VAPA: variants seen among roughly 807,000 people sequenced by gnomAD.
VAPA encodes the protein VAMP associated protein A.
Under a neutral mutation model 25.6 loss-of-function variants are expected in VAPA, and 6 were observed. The observed-to-expected ratio is 0.23, with a 90% CI of 0.13 to 0.46. The LOEUF is 0.46. Ranked by LOEUF, VAPA falls within the 20% of genes least tolerant of loss-of-function variation. The pLI is 0.99. For synonymous variants in VAPA, 112 were observed against 106.2 expected, an observed-to-expected ratio of 1.05 and a Z score of -0.34; for missense variants, 244 against 302.1, an observed-to-expected ratio of 0.81 and a Z score of 1.43.
chr18:9,938,301 A>G (rs768399077), intron 4 of VAPA, among the ~76,000 whole-genome samples: 2 of 152,242 alleles, frequency 1.3e-5, no homozygotes, highest in Non-Finnish European at 2.9e-5. Flanking sequence ...TGCTCTGGAT[A>G]GCACACACTT....
chr18:9,935,504 G>T (rs1198778800), intron 2 of VAPA, among the ~76,000 whole-genome samples: 1 of 152,224 alleles, frequency 6.6e-6, no homozygotes, highest in Non-Finnish European at 1.5e-5. Context: ...AGCCTAGGGA[G>T]GTTGAGGCTA....
rs561548334 is a variant in VAPA at position 9,956,169 on chromosome 18, G to A, written c.*1958G>A. On this transcript the variant is annotated 3_prime_UTR_variant, in exon 6 of 6. Transcript: ENST00000400000. ...ATGGTTGAGAAATCTGAGGCCTTAC[G>A]AAGGTTAAGAGAACTTTCCCCGTGT... 6.6e-5 allele frequency: 10 copies of A among 152,250 alleles called. No homozygotes were observed. Among genetic ancestry groups the A allele is most frequent in the African/African-American group, 2.2e-4 (9 of 41,542 alleles). The allele number at this position is 152,250 out of a possible 1,614,324, so 9.4% of individuals were successfully genotyped here.
intron 4 of VAPA, chr18:9,948,483 T>G (rs1201158231): frequency 2.0e-5 from 3 of 152,242 alleles, no homozygotes. Context: ...TAAAATTTTA[T>G]GCAATGTAAA....
intron 1 of VAPA, chr18:9,915,724 C>T (rs938178418): frequency 2.6e-5 from 4 of 152,204 alleles, no homozygotes; most frequent in Admixed American, 1.3e-4. Context: ...AAAATATATT[C>T]TGGAATTATG....
intron 2 of VAPA, among the ~76,000 whole-genome samples, chr18:9,935,510 G>A (rs976319451): frequency 1.3e-5 from 2 of 152,220 alleles, no homozygotes; most frequent in Non-Finnish European, 2.9e-5. Context: ...GGGAGGTTGA[G>A]GCTACAGTGA....
intron 4 of VAPA, among the ~76,000 whole-genome samples, chr18:9,946,856 T>G (rs886080364): frequency 6.6e-6 from 1 of 152,250 alleles, no homozygotes; most frequent in Non-Finnish European, 1.5e-5. Context: ...TTAAAATTTT[T>G]GACATAAAGC....
At chr18:9,919,680 C>T (rs1429680658) in intron 1 of VAPA, among the ~76,000 whole-genome samples, 2 of 152,082 alleles carry the variant, frequency 1.3e-5, no homozygotes, top group African/African-American at 2.4e-5. Flanking sequence ...TGAAAGAGGT[C>T]GGCGTGGCAG....
chr18:9,921,531 T>C (rs1196000881), intron 1 of VAPA, among the ~76,000 whole-genome samples: 1 of 152,240 alleles, frequency 6.6e-6, no homozygotes, highest in African/African-American at 2.4e-5. Context: ...GGTATACATA[T>C]AACATGATGT....
intron 4 of VAPA, chr18:9,950,054 C>T (rs1003081845): frequency 4.9e-6 from 1 of 205,582 alleles, no homozygotes; most frequent in Non-Finnish European, 9.8e-6. Context: ...ATTCAGCATA[C>T]TTTCATTGAA....
intron 2 of VAPA, among the ~76,000 whole-genome samples, chr18:9,933,804 C>T (rs1371570793): frequency 2.0e-5 from 3 of 152,188 alleles, no homozygotes; most frequent in African/African-American, 4.8e-5. Context: ...TCCCCAAATG[C>T]TGGGATTACA....
At chr18:9,935,945 G>GT (rs528662566) in intron 2 of VAPA, among the ~76,000 whole-genome samples, 165 bp from the exon 3 acceptor site, 17 of 151,868 alleles carry the variant, frequency 1.1e-4, no homozygotes, top group Admixed American at 7.9e-4. Flanking sequence ...ACCCTTCTTG[G>GT]TTTTTTTTAA....
Position 9,959,090 on chromosome 18 carries a change from G to A in VAPA, c.*4879G>A, listed in dbSNP as rs1174739948. On this transcript the variant is annotated 3_prime_UTR_variant, in exon 6 of 6. Coordinates refer to ENST00000400000, the MANE Select transcript of VAPA (RefSeq NM_194434.3). ...CTCCATCCTATGGAATAGGGGAGACGGGTTTAGACAGGTTCAATTAGCTCA... is the reference window on the plus strand; with the variant it reads ...CTCCATCCTATGGAATAGGGGAGACAGGTTTAGACAGGTTCAATTAGCTCA... 2 of 152,066 alleles carry A rather than the reference G, an allele frequency of 1.3e-5. No homozygotes were observed. The highest frequency in any genetic ancestry group is 4.8e-5 in the African/African-American group (2 of 41,406). The allele number at this position is 152,066 out of a possible 1,614,324, so 9.4% of individuals were successfully genotyped here. A position where few individuals can be genotyped will look rare whatever the true frequency, so the allele number is the denominator to read the frequency against.
intron 2 of VAPA, among the ~76,000 whole-genome samples, chr18:9,933,663 G>C (rs1053444531): frequency 2.0e-5 from 3 of 152,150 alleles, no homozygotes; most frequent in African/African-American, 7.2e-5. Flanking sequence ...TCAGCCACTT[G>C]AGTAGCTAGG....
chr18:9,948,195 TC>T (rs1197475422), intron 4 of VAPA: 1 of 152,182 alleles, frequency 6.6e-6, no homozygotes, highest in African/African-American at 2.4e-5. Flanking sequence ...TAAATTCTAA[TC>T]TAATTCCAAG....
At chr18:9,950,606 A>T in intron 5 of VAPA, 38 bp downstream of exon 5, 1 of 1,600,640 alleles carries the variant, frequency 6.2e-7, no homozygotes, top group Non-Finnish European at 8.5e-7. Context: ...GATTGAAATG[A>T]AGGTATAGGA....
intron 5 of VAPA, chr18:9,950,821 C>G: frequency 2.4e-6 from 1 of 409,712 alleles, no homozygotes; most frequent in East Asian, 4.9e-5. Flanking sequence ...AGCTTCTGCT[C>G]TTGTTTCTCA....
At chr18:9,937,916 G>T (rs1414229986) in intron 4 of VAPA, among the ~76,000 whole-genome samples, 1 of 152,104 alleles carries the variant, frequency 6.6e-6, no homozygotes, top group Non-Finnish European at 1.5e-5. Flanking sequence ...CCTCTTTCAG[G>T]ATAAGCAGAA....
intron 4 of VAPA, among the ~76,000 whole-genome samples, chr18:9,938,414 C>A (rs977740464): frequency 6.6e-6 from 1 of 152,080 alleles, no homozygotes; most frequent in African/African-American, 2.4e-5. Context: ...GGGAATGATA[C>A]GGCAATGACA....
chr18:9,954,461 T>C lies in VAPA; in HGVS notation c.*250T>C. On this transcript the variant is annotated 3_prime_UTR_variant, in exon 6 of 6. Transcript: ENST00000400000. ...GATGTCAGTTGCACATTGAGTCCTT[T>C]ATGAAATTCATAAATAAAGAATTGT... 1 of 369,710 alleles carries C rather than the reference T, an allele frequency of 2.7e-6. No homozygotes were observed. The highest frequency in any genetic ancestry group is 4.8e-6 in the Non-Finnish European group (1 of 209,302). The allele number at this position is 369,710 out of a possible 1,614,324, so 22.9% of individuals were successfully genotyped here.
Sources: allele counts gnomAD v4.1 joint callset (sites outside exome capture counted in the v4.1 genomes callset), GRCh38; gene constraint gnomAD v4.1.1; transcripts MANE v1.5; gene names NCBI Gene and HGNC (gene_info 2026-07-23, HGNC 2026-07-21).